Variants in PCDH15 observed in about 807,000 individuals in gnomAD.
PCDH15 encodes the protein protocadherin related 15, also known as protocadherin-15.
Under a neutral mutation model 178.5 loss-of-function variants are expected in PCDH15, and 129 were observed. The observed-to-expected ratio is 0.72, with a 90% CI of 0.63 to 0.84. PCDH15 has a LOEUF of 0.84. Among genes scored for constraint, PCDH15 ranks in the 40% least tolerant of loss-of-function variants. PCDH15 has a pLI of 0.00. For missense variants in PCDH15, 2,230 were observed against 2,099.9 expected, an observed-to-expected ratio of 1.06 and a Z score of -1.21; for synonymous variants, 800 against 732.0, an observed-to-expected ratio of 1.09 and a Z score of -1.50.
intron 18 of PCDH15, among the ~76,000 whole-genome samples, chr10:54,047,067 T>G (rs1017088002): frequency 7.2e-5 from 11 of 152,238 alleles, no homozygotes; most frequent in African/African-American, 2.6e-4. Flanking sequence ...AAATAAGTAA[T>G]GTAGCATTAA....
chr10:53,938,214 G>A (rs1363441190), intron 25 of PCDH15, among the ~76,000 whole-genome samples: 1 of 151,844 alleles, frequency 6.6e-6, no homozygotes, highest in Admixed American at 6.6e-5. Context: ...CAGAACGTGG[G>A]CTTAAATCTG....
chr10:54,294,837 AT>A (rs1447737950), intron 8 of PCDH15, among the ~76,000 whole-genome samples: 4 of 152,192 alleles, frequency 2.6e-5, no homozygotes, highest in African/African-American at 9.7e-5. Context: ...TGATAAAGGC[AT>A]TGTGGTATGC....
chr10:53,902,803 TA>T (rs897963340), intron 26 of PCDH15, among the ~76,000 whole-genome samples: 3 of 152,140 alleles, frequency 2.0e-5, no homozygotes, highest in Non-Finnish European at 2.9e-5. Context: ...CTGGTAGTGT[TA>T]TTTTTTTACT....
chr10:54,401,554 G>A (rs995795709), intron 3 of PCDH15, among the ~76,000 whole-genome samples: 1 of 151,694 alleles, frequency 6.6e-6, no homozygotes, highest in East Asian at 1.9e-4. Flanking sequence ...TCAAATATCC[G>A]AAGATTATAT....
intron 2 of PCDH15, among the ~76,000 whole-genome samples, chr10:55,389,120 T>C (rs182278883): frequency 6.6e-6 from 1 of 152,130 alleles, no homozygotes; most frequent in East Asian, 1.9e-4. Flanking sequence ...CAATGATGAA[T>C]CAACCTTTTT....
chr10:54,822,641 A>C (rs1953064966), intron 3 of PCDH15, among the ~76,000 whole-genome samples: 1 of 152,024 alleles, frequency 6.6e-6, no homozygotes, highest in Admixed American at 6.6e-5. Flanking sequence ...CTTTCTTTGG[A>C]TATATACCAA....
chr10:53,833,978 TAAC>T (rs1303879222), intron 29 of PCDH15, among the ~76,000 whole-genome samples: 1 of 152,108 alleles, frequency 6.6e-6, no homozygotes, highest in African/African-American at 2.4e-5. Flanking sequence ...AGTAAGATAT[TAAC>T]AACAATAACT....
intron 1 of PCDH15, among the ~76,000 whole-genome samples, chr10:55,319,389 A>G (rs1405658344): frequency 2.0e-5 from 3 of 152,200 alleles, no homozygotes. Flanking sequence ...TCATTGCAAA[A>G]TTAAACAAAT....
intron 13 of PCDH15, among the ~76,000 whole-genome samples, chr10:54,172,197 A>G (rs1428883822): frequency 6.6e-6 from 1 of 152,030 alleles, no homozygotes; most frequent in East Asian, 1.9e-4. Flanking sequence ...TTCCACCACA[A>G]AAGAAGTGTA....
At chr10:54,122,957 G>A (rs1488558099) in intron 15 of PCDH15, among the ~76,000 whole-genome samples, 1 of 151,644 alleles carries the variant, frequency 6.6e-6, no homozygotes, top group Non-Finnish European at 1.5e-5. Context: ...TTGGATAGCT[G>A]GTGAGCTATA....
At chr10:54,462,476 C>CTTTTCT (rs142961372) in intron 3 of PCDH15, among the ~76,000 whole-genome samples, 1 of 123,908 alleles carries the variant, frequency 8.1e-6, no homozygotes, top group Non-Finnish European at 1.6e-5. Context: ...TCCTTTCTTT[C>CTTTTCT]TTTCTTTTCT....
chr10:53,818,674 G>T (rs2132449300), intron 33 of PCDH15, among the ~76,000 whole-genome samples: 1 of 152,150 alleles, frequency 6.6e-6, no homozygotes, highest in East Asian at 1.9e-4. Flanking sequence ...GGGGAGAAAA[G>T]AATATAGAGT....
chr10:55,614,010 AGGCT>A (rs1843424153), intron 2 of PCDH15, among the ~76,000 whole-genome samples: 1 of 151,808 alleles, frequency 6.6e-6, no homozygotes, highest in Non-Finnish European at 1.5e-5. Flanking sequence ...GCTACTCGGG[AGGCT>A]GAGGTGGGAG....
rs142183207 is a variant in PCDH15 at position 55,311,728 on chromosome 10, G to A, written c.-156+7871C>T. Among the ~76,000 whole-genome samples, 756 of 152,246 alleles carry A rather than the reference G, an allele frequency of 5.0e-3. 11 individuals carry two copies. The highest frequency in any genetic ancestry group is 0.017 in the African/African-American group (705 of 41,554). On this transcript the variant is annotated intron_variant, in intron 1 of 5. Coordinates refer to the PCDH15 transcript ENST00000458638. ...ACAGAAGTGTGTTCTCTTCTTTGCG[G>A]CTAAAGGATGCTGAAGAGCACAAAT...
chr10:55,222,691 T>C (rs1840910799), intron 1 of PCDH15, among the ~76,000 whole-genome samples: 2 of 132,648 alleles, frequency 1.5e-5, no homozygotes, highest in Admixed American at 1.5e-4. Flanking sequence ...CTACAAGTAA[T>C]GATAATTTTA....
At chr10:53,961,992 G>T (rs896848303) in intron 21 of PCDH15, 100 bp from the exon 22 acceptor site, 8 of 1,004,058 alleles carry the variant, frequency 8.0e-6, no homozygotes, top group Admixed American at 6.2e-5. Context: ...TCTTTTAGAA[G>T]TGAAAATCAT....
At position 53,892,413 on chromosome 10, in the gene PCDH15, G is replaced by A. The variant is rs558901072; in HGVS notation, c.3501+10830C>T. 4.8e-4 allele frequency among the ~76,000 whole-genome samples: 73 copies of A among 152,160 alleles called. 1 individual carries two copies. The highest frequency in any genetic ancestry group is 1.4e-3 in the Admixed American group (21 of 15,276). The stretch of plus-strand genomic sequence containing the variant: ...GTCCGATTTCTATTATAAGTAATAC[G>A]AATTAAAGCAATTTTTAATTAAATT... On this transcript the variant is annotated intron_variant, in intron 26 of 37. Transcript: ENST00000644397.
chr10:55,329,348 C>A (rs2132308547), intron 2 of PCDH15, among the ~76,000 whole-genome samples: 1 of 151,588 alleles, frequency 6.6e-6, no homozygotes, highest in South Asian at 2.1e-4. Flanking sequence ...AATATGTATT[C>A]TTGTGTTTAA....
chr10:55,553,130 T>C (rs1247568947), intron 2 of PCDH15, among the ~76,000 whole-genome samples: 1 of 151,490 alleles, frequency 6.6e-6, no homozygotes, highest in African/African-American at 2.4e-5. Context: ...GTAGAGATAA[T>C]CATTGACCAC....
Sources: gnomAD v4.1 joint callset for allele counts (sites outside exome capture counted in the v4.1 genomes callset) on GRCh38, gnomAD v4.1.1 for gene constraint, MANE v1.5 for transcripts, NCBI Gene and HGNC (gene_info 2026-07-23, HGNC 2026-07-21) for gene names.